PEPD: variants seen among roughly 807,000 people sequenced by gnomAD.
PEPD encodes the protein peptidase D.
In PEPD, 53 loss-of-function variants were observed where a neutral mutation model predicts 60.7. The ratio of observed to expected loss-of-function variants is 0.87; its 90% CI spans 0.70 to 1.10. The LOEUF (loss-of-function observed/expected upper bound fraction) is 1.10, where lower values mean the gene tolerates loss of function less well. Ranked by LOEUF, PEPD falls within the 50% of genes least tolerant of loss-of-function variation. The pLI is 0.00. For missense variants in PEPD, 711 were observed against 711.9 expected, an observed-to-expected ratio of 1.00 and a Z score of 0.01; for synonymous variants, 267 against 284.1, an observed-to-expected ratio of 0.94 and a Z score of 0.60.
At chr19:33,470,901 G>A (rs1368761606) in intron 7 of PEPD, among the ~76,000 whole-genome samples, 1 of 152,132 alleles carries the variant, frequency 6.6e-6, no homozygotes, top group East Asian at 1.9e-4. Context: ...CCCACAGGTA[G>A]GAAGAGCAGC....
intron 7 of PEPD, among the ~76,000 whole-genome samples, chr19:33,473,213 C>T (rs1401656522): frequency 6.6e-6 from 1 of 152,174 alleles, no homozygotes; most frequent in African/African-American, 2.4e-5. Flanking sequence ...TCCCACTTCC[C>T]ATGTGGCTTT....
At chr19:33,478,200 C>A in intron 6 of PEPD, 110 bp from the exon 7 acceptor site, 1 of 771,754 alleles carries the variant, frequency 1.3e-6, no homozygotes, top group East Asian at 2.7e-5. Context: ...GGGTCCCACA[C>A]TTTAATTTCA....
At chr19:33,474,766 A>T (rs1314366122) in intron 7 of PEPD, among the ~76,000 whole-genome samples, 1 of 152,076 alleles carries the variant, frequency 6.6e-6, no homozygotes. Context: ...GGATCTCTTA[A>T]GGCCAGGAGT....
At chr19:33,396,983 C>T (rs910558284) in intron 12 of PEPD, among the ~76,000 whole-genome samples, 1 of 152,170 alleles carries the variant, frequency 6.6e-6, no homozygotes, top group Admixed American at 6.5e-5. Context: ...TTCCCCTCAC[C>T]ATGCATGCAG....
At chr19:33,477,390 C>A in intron 7 of PEPD, 1 of 160,226 alleles carries the variant, frequency 6.2e-6, no homozygotes, top group Non-Finnish European at 1.4e-5. Context: ...GTGGCAAAGG[C>A]CTGGCCTTGC....
chr19:33,472,772 G>A (rs1223933498), intron 7 of PEPD, among the ~76,000 whole-genome samples: 2 of 152,066 alleles, frequency 1.3e-5, no homozygotes, highest in African/African-American at 4.8e-5. Flanking sequence ...TCATTTAAAG[G>A]GCCAGGAATT....
rs121917721 is a variant in PEPD, at chr19:33,401,862, C to T, written c.826G>A (p.Asp276Asn). The T allele has an allele frequency of 5.0e-5, 80 of 1,612,962 alleles. No homozygotes were observed. The highest frequency in any genetic ancestry group is 9.3e-5 in the African/African-American group (7 of 74,938). Reference sequence around the variant, plus strand: ...AAGCAGTAATACTCACCGCCCATGTCGAACAGGCTGCGGAGAGAGGAAGGC... The same window carrying T: ...AAGCAGTAATACTCACCGCCCATGTTGAACAGGCTGCGGAGAGAGGAAGGC... ...TIQNGDMCLF[D>N]MGGEYYCFAS... is the part of the protein sequence containing the mutation. The change falls in exon 12 of 15, where the codon GAC becomes AAC. Residue 276 changes from aspartate (D) to asparagine (N), a missense_variant. Asp to Asn is a conservative substitution (Grantham distance 23). Transcript: ENST00000244137.
At chr19:33,435,777 G>A (rs934911898) in intron 9 of PEPD, among the ~76,000 whole-genome samples, 5 of 152,306 alleles carry the variant, frequency 3.3e-5, no homozygotes, top group Middle Eastern at 3.4e-3. Context: ...GGCAGAGGCC[G>A]TGCAGCCCAA....
intron 9 of PEPD, among the ~76,000 whole-genome samples, chr19:33,458,617 ATGTGTGATGTGTGTGGCG>A (rs1969863972): frequency 1.9e-5 from 2 of 105,672 alleles, no homozygotes; most frequent in Non-Finnish European, 3.9e-5. Context: ...GGCGGTGTGT[ATGTGTGATGTGTGTGGCG>A]TGTGTGTTGT....
At chr19:33,495,498 C>T (rs1970585845) in intron 4 of PEPD, among the ~76,000 whole-genome samples, 1 of 145,602 alleles carries the variant, frequency 6.9e-6, no homozygotes, top group Non-Finnish European at 1.5e-5. Context: ...GAGACTCTGT[C>T]TCAAAAAAAA....
intron 7 of PEPD, among the ~76,000 whole-genome samples, chr19:33,471,927 C>T (rs569434364): frequency 1.3e-5 from 2 of 152,168 alleles, no homozygotes; most frequent in South Asian, 2.1e-4. Context: ...TTTGGGAGGC[C>T]GAGGCAGGTG....
chr19:33,440,106 T>C (rs1969455618), intron 9 of PEPD, among the ~76,000 whole-genome samples: 1 of 152,204 alleles, frequency 6.6e-6, no homozygotes, highest in Non-Finnish European at 1.5e-5. Flanking sequence ...GCAAGACGAG[T>C]GATCCTGGCT....
In PEPD at chr19:33,387,083, A is replaced by G; in HGVS notation, c.*261T>C. On this transcript the variant is annotated 3_prime_UTR_variant, in exon 15 of 15. Coordinates refer to ENST00000244137, the MANE Select transcript of PEPD (RefSeq NM_000285.4). ...GACACATTTTAGTTGCTACTAAAGA[A>G]CAGCATTATTTTCAATCATTTTAAG... 1.9e-6 allele frequency: 1 copy of G among 530,112 alleles called. No individual in the cohort carries two copies. Among genetic ancestry groups the G allele is most frequent in the Non-Finnish European group, 3.4e-6 (1 of 297,748 alleles). The allele number at this position is 530,112 out of a possible 1,614,324, so 32.8% of individuals were successfully genotyped here.
intron 6 of PEPD, among the ~76,000 whole-genome samples, chr19:33,480,820 G>C (rs1970300804): frequency 8.2e-6 from 1 of 122,298 alleles, no homozygotes; most frequent in Non-Finnish European, 1.7e-5. Context: ...TAGCGTGTGT[G>C]TGTGTGTGTG....
Position 33,418,344 on chromosome 19 carries a change from C to T in PEPD, c.672-4701G>A, listed in dbSNP as rs117184870. ...GGGCCATACAGTCCTGCAGGGGATG[C>T]CCTGAGACACCTCAGGCCGAGCAGA... On this transcript the variant is annotated intron_variant, in intron 9 of 14. Transcript: ENST00000244137. Among the ~76,000 whole-genome samples the T allele has an allele frequency of 3.3e-5, 5 of 152,308 alleles. No individual in the cohort carries two copies. The East Asian group carries it at 9.6e-4, about 29-fold the overall frequency.
intron 13 of PEPD, among the ~76,000 whole-genome samples, chr19:33,391,000 C>G (rs1968204635): frequency 6.6e-6 from 1 of 152,160 alleles, no homozygotes; most frequent in Non-Finnish European, 1.5e-5. Context: ...TGTGGGGCCC[C>G]ATGCACCGTA....
chr19:33,441,957 C>T (rs188510008), intron 9 of PEPD, among the ~76,000 whole-genome samples: 5 of 152,394 alleles, frequency 3.3e-5, no homozygotes, highest in Middle Eastern at 3.4e-3. Flanking sequence ...AGGTCTCCTT[C>T]TGTGGGGCAG....
At chr19:33,395,250 C>A (rs530945790) in intron 12 of PEPD, 2 of 152,506 alleles carry the variant, frequency 1.3e-5, no homozygotes, top group Admixed American at 6.5e-5. Flanking sequence ...TGAGAATTCA[C>A]GGAACACACA....
intron 11 of PEPD, among the ~76,000 whole-genome samples, chr19:33,402,584 A>C (rs1025135931): frequency 1.3e-5 from 2 of 152,096 alleles, no homozygotes; most frequent in Non-Finnish European, 2.9e-5. Flanking sequence ...GCCCAAGGGG[A>C]GGGCAGGGAG....
Sources: gnomAD v4.1 joint callset for allele counts (sites outside exome capture counted in the v4.1 genomes callset) on GRCh38, gnomAD v4.1.1 for gene constraint, MANE v1.5 for transcripts, NCBI Gene and HGNC (gene_info 2026-07-23, HGNC 2026-07-21) for gene names.